The following ITPR1 variants were observed in gnomAD, a reference collection of about 807,000 sequenced individuals.
ITPR1 encodes inositol 1,4,5-trisphosphate-gated calcium channel ITPR1.
ITPR1 carries 96 observed loss-of-function variants against 318.4 expected under a neutral mutation model. That is an observed-to-expected ratio of 0.30 (90% CI 0.26 to 0.36). The LOEUF is 0.36. Ranked by LOEUF, ITPR1 falls within the 10% of genes least tolerant of loss-of-function variation. ITPR1 has a pLI of 1.00. For missense variants in ITPR1, 2,440 were observed against 3,460.2 expected, an observed-to-expected ratio of 0.71 and a Z score of 7.40; for synonymous variants, 1,312 against 1,289.9, an observed-to-expected ratio of 1.02 and a Z score of -0.37.
chr3:4,616,776 C>G (rs957226823), intron 4 of ITPR1, among the ~76,000 whole-genome samples: 1 of 152,118 alleles, frequency 6.6e-6, no homozygotes, highest in South Asian at 2.1e-4. Flanking sequence ...TTATTGACCT[C>G]AAGGACAGGG....
chr3:4,682,565 G>A (rs1359143498), intron 26 of ITPR1, among the ~76,000 whole-genome samples: 4 of 152,160 alleles, frequency 2.6e-5, no homozygotes, highest in Non-Finnish European at 4.4e-5. Flanking sequence ...GCAACATTAT[G>A]TACTATGATG....
chr3:4,695,908 A>C (rs547759540), intron 33 of ITPR1, among the ~76,000 whole-genome samples: 2 of 152,306 alleles, frequency 1.3e-5, no homozygotes, highest in Admixed American at 1.3e-4. Flanking sequence ...GGGTGTGTGG[A>C]TAGTCAGAAG....
At chr3:4,745,874 C>T (rs2044068633) in intron 44 of ITPR1, among the ~76,000 whole-genome samples, 1 of 152,230 alleles carries the variant, frequency 6.6e-6, no homozygotes, top group South Asian at 2.1e-4. Context: ...GACTCACCAC[C>T]AGCCAAGGAT....
chr3:4,725,586 G>A lies in ITPR1; in HGVS notation c.5172+5G>A. On this transcript the variant is annotated splice_donor_5th_base_variant and intron_variant, in intron 41 of 61. Coordinates refer to ENST00000649015, the MANE Select transcript of ITPR1 (RefSeq NM_001378452.1). ...GATTCTGAGAACGCCACTGAGGTGT[G>A]TTGCCCGCCTATATTTGTAGCGCCA... 2.5e-6 allele frequency: 4 copies of A among 1,598,584 alleles called. No homozygotes were observed. Among genetic ancestry groups the A allele is most frequent in the Non-Finnish European group, 3.4e-6 (4 of 1,178,988 alleles).
At chr3:4,619,423 T>C (rs2092509347) in intron 4 of ITPR1, among the ~76,000 whole-genome samples, 1 of 152,062 alleles carries the variant, frequency 6.6e-6, no homozygotes. Context: ...TTATTCTTTC[T>C]TTTGCCCCCT....
At chr3:4,690,430 A>T (rs965970067) in intron 31 of ITPR1, among the ~76,000 whole-genome samples, 12 of 152,218 alleles carry the variant, frequency 7.9e-5, no homozygotes, top group Non-Finnish European at 1.6e-4. Context: ...CCACAATAAG[A>T]TGTGGCTAAA....
In ITPR1 at chr3:4,676,604, C is replaced by T; in HGVS notation, c.2780-10C>T. On this transcript the variant is annotated splice_polypyrimidine_tract_variant and intron_variant, in intron 23 of 61. Coordinates refer to ENST00000649015, the MANE Select transcript of ITPR1 (RefSeq NM_001378452.1). ...ACATTGTGACCGTGGTCTCTCCTGG[C>T]CTTTCCTAGGCAGTAACGTGATGAG... is the stretch of plus-strand genomic sequence containing the variant. 1 of 1,612,228 alleles carries T rather than the reference C, an allele frequency of 6.2e-7. No homozygotes were observed. Among genetic ancestry groups the T allele is most frequent in the Non-Finnish European group, 8.5e-7 (1 of 1,178,866 alleles).
At chr3:4,783,399 A>G (rs1215033587) in intron 50 of ITPR1, among the ~76,000 whole-genome samples, 1 of 152,014 alleles carries the variant, frequency 6.6e-6, no homozygotes, top group African/African-American at 2.4e-5. Flanking sequence ...CAATGATGAT[A>G]TTGGGCCCGA....
chr3:4,717,998 A>T (rs1398443591), intron 40 of ITPR1, among the ~76,000 whole-genome samples: 1 of 152,204 alleles, frequency 6.6e-6, no homozygotes, highest in African/African-American at 2.4e-5. Context: ...AACTATGTAT[A>T]GATCCAGAAA....
At chr3:4,642,613 A>G (rs2093362712) in intron 7 of ITPR1, among the ~76,000 whole-genome samples, 1 of 152,220 alleles carries the variant, frequency 6.6e-6, no homozygotes, top group Non-Finnish European at 1.5e-5. Context: ...TAAAGTTCAT[A>G]AAGGATAGAG....
At chr3:4,746,479 G>A (rs1446048015) in intron 44 of ITPR1, among the ~76,000 whole-genome samples, 1 of 152,168 alleles carries the variant, frequency 6.6e-6, no homozygotes, top group African/African-American at 2.4e-5. Context: ...ATTCCCTTTG[G>A]CAGGCTCCCC....
chr3:4,609,051 A>AATATGTATATATATATATAT (rs1387747146), intron 4 of ITPR1, among the ~76,000 whole-genome samples: 14 of 46,542 alleles, frequency 3.0e-4, no homozygotes, highest in South Asian at 1.7e-3. Context: ...ACAACAACGA[A>AATATGTATATATATATATAT]ATATATATAT....
intron 60 of ITPR1, chr3:4,831,346 G>A (rs1271342092): frequency 3.8e-6 from 1 of 260,548 alleles, no homozygotes; most frequent in African/African-American, 2.2e-5. Flanking sequence ...CAGTTAGTTT[G>A]TCTGCTCCGA....
intron 4 of ITPR1, among the ~76,000 whole-genome samples, chr3:4,604,205 A>G (rs1252938102): frequency 6.6e-6 from 1 of 152,198 alleles, no homozygotes; most frequent in Non-Finnish European, 1.5e-5. Flanking sequence ...AGAGGCACAT[A>G]CATTTAACAG....
At chr3:4,544,753 G>A (rs1212149295) in intron 4 of ITPR1, among the ~76,000 whole-genome samples, 1 of 152,152 alleles carries the variant, frequency 6.6e-6, no homozygotes, top group African/African-American at 2.4e-5. Context: ...TTGGCAGAGG[G>A]TCATTCTCTT....
At chr3:4,669,886 G>A (rs1299702631) in intron 19 of ITPR1, 113 bp downstream of exon 19, 13 of 1,083,492 alleles carry the variant, frequency 1.2e-5, no homozygotes, top group Non-Finnish European at 1.6e-5. Context: ...AGTCAGTGTG[G>A]CTGGCATTTG....
chr3:4,754,052 G>GTA (rs1054950964), intron 44 of ITPR1, among the ~76,000 whole-genome samples: 4 of 131,984 alleles, frequency 3.0e-5, no homozygotes, highest in Admixed American at 7.7e-5. Flanking sequence ...AGAAAATGGG[G>GTA]GGGGGGTGGC....
intron 44 of ITPR1, among the ~76,000 whole-genome samples, chr3:4,737,340 G>A (rs1336521843): frequency 6.6e-6 from 1 of 152,202 alleles, no homozygotes; most frequent in Non-Finnish European, 1.5e-5. Flanking sequence ...AGAAGGACCA[G>A]CATCTCTCTG....
At chr3:4,735,977 A>T (rs983682836) in intron 44 of ITPR1, among the ~76,000 whole-genome samples, 2 of 152,258 alleles carry the variant, frequency 1.3e-5, no homozygotes, top group Non-Finnish European at 2.9e-5. Flanking sequence ...CACTTTTTAT[A>T]GATGTCCTTA....
Sources: allele counts gnomAD v4.1 joint callset (sites outside exome capture counted in the v4.1 genomes callset), GRCh38; gene constraint gnomAD v4.1.1; transcripts MANE v1.5; gene names NCBI Gene and HGNC (gene_info 2026-07-23, HGNC 2026-07-21).